PCDHA11: variants seen among roughly 807,000 people sequenced by gnomAD.
PCDHA11 encodes the protein protocadherin alpha-11.
In PCDHA11, 61 loss-of-function variants were observed where a neutral mutation model predicts 70.3. The observed-to-expected ratio is 0.87, with a 90% CI of 0.71 to 1.07. PCDHA11 has a LOEUF of 1.07. PCDHA11 is among the 50% of genes least tolerant of loss of function. The probability of loss-of-function intolerance (pLI) is 0.00; values close to 1 mark genes in which losing one functional copy is unlikely to be tolerated. For synonymous variants in PCDHA11, 633 were observed against 555.1 expected (o/e 1.14, Z -1.97); for missense variants, 1,324 against 1,237.5 (o/e 1.07, Z -1.05).
At chr5:140,971,487 C>T (rs1285006281) in intron 1 of PCDHA11, among the ~76,000 whole-genome samples, 1 of 152,110 alleles carries the variant, frequency 6.6e-6, no homozygotes, top group African/African-American at 2.4e-5. Flanking sequence ...CACATTGTTA[C>T]AGTGTGGCAA....
intron 1 of PCDHA11, chr5:140,930,027 T>A (rs1554207548): frequency 6.6e-6 from 1 of 152,190 alleles, no homozygotes; most frequent in Non-Finnish European, 1.5e-5. Context: ...CATAGCAGTG[T>A]TTTGTAACTG....
intron 1 of PCDHA11, among the ~76,000 whole-genome samples, chr5:140,881,806 C>G (rs545752672): frequency 1.3e-5 from 2 of 152,238 alleles, no homozygotes; most frequent in African/African-American, 4.8e-5. Context: ...AAACGAGTGT[C>G]GAATATTCTT....
chr5:140,880,790 T>C (rs2058480985), intron 1 of PCDHA11, among the ~76,000 whole-genome samples: 1 of 152,190 alleles, frequency 6.6e-6, no homozygotes, highest in African/African-American at 2.4e-5. Flanking sequence ...AGAGGAGTAA[T>C]ATAAATAGGT....
chr5:140,870,198 C>G lies in PCDHA11; in HGVS notation c.1095C>G (p.Ser365Arg). 6.2e-7 allele frequency: 1 copy of G among 1,614,172 alleles called. No homozygotes were observed. The highest frequency in any genetic ancestry group is 8.5e-7 in the Non-Finnish European group (1 of 1,180,038). ...CAGTACGAGAGGACGCTCAGCCCAGCACGGTCATTGCCCTGATCAGCGTGT... is the reference window on the plus strand; with the variant it reads ...CAGTACGAGAGGACGCTCAGCCCAGGACGGTCATTGCCCTGATCAGCGTGT... ...SLPVREDAQPSTVIALISVSD... is the reference protein window; with the variant it reads ...SLPVREDAQPRTVIALISVSD... Residue 365 changes from serine (S) to arginine (R), a missense_variant, in exon 1 of 4, where the codon AGC becomes AGG. Transcript: ENST00000398640.
At chr5:140,876,820 G>A in intron 1 of PCDHA11, 2 of 1,614,214 alleles carry the variant, frequency 1.2e-6, no homozygotes, top group Non-Finnish European at 1.7e-6. Context: ...CGACGTGAAC[G>A]ACAATGCGCC....
intron 1 of PCDHA11, among the ~76,000 whole-genome samples, chr5:140,889,132 G>C (rs1338926841): frequency 6.6e-6 from 1 of 151,438 alleles, no homozygotes; most frequent in Non-Finnish European, 1.5e-5. Context: ...ATATGTCCTA[G>C]TTTTTCTTCC....
chr5:140,892,763 C>G (rs1365366300), intron 1 of PCDHA11, among the ~76,000 whole-genome samples: 12 of 152,298 alleles, frequency 7.9e-5, no homozygotes, highest in Middle Eastern at 3.4e-3. Context: ...TTAAAATCCA[C>G]TCTTCTAGCT....
chr5:140,928,288 C>T (rs541893248), intron 1 of PCDHA11: 37 of 1,614,156 alleles, frequency 2.3e-5, no homozygotes, highest in East Asian at 4.5e-5. Flanking sequence ...CTCTCTAGGC[C>T]GAGTGTTTGC....
intron 3 of PCDHA11, among the ~76,000 whole-genome samples, chr5:140,994,795 G>A (rs2097650396): frequency 6.6e-6 from 1 of 152,184 alleles, no homozygotes; most frequent in Admixed American, 6.6e-5. Flanking sequence ...ATGCGTGCAT[G>A]CAAAAACAAA....
chr5:140,928,573 A>G (rs1353807568), intron 1 of PCDHA11: 2 of 1,614,110 alleles, frequency 1.2e-6, no homozygotes, highest in African/African-American at 1.3e-5. Context: ...TCCCTTGCCC[A>G]GAAATGGTTC....
At chr5:140,958,278 T>A (rs1445019557) in intron 1 of PCDHA11, among the ~76,000 whole-genome samples, 1 of 152,090 alleles carries the variant, frequency 6.6e-6, no homozygotes, top group Non-Finnish European at 1.5e-5. Flanking sequence ...GAAGTATATA[T>A]TTTAAATATT....
intron 1 of PCDHA11, chr5:140,882,249 T>C (rs1412428548): frequency 6.3e-7 from 1 of 1,595,264 alleles, no homozygotes; most frequent in Non-Finnish European, 8.5e-7. Flanking sequence ...CAGATAGCTC[T>C]GAGGTTTTTG....
At chr5:140,938,508 A>G (rs1563167946) in intron 1 of PCDHA11, among the ~76,000 whole-genome samples, 1 of 152,046 alleles carries the variant, frequency 6.6e-6, no homozygotes, top group African/African-American at 2.4e-5. Context: ...AATTTATCAC[A>G]TATTTTCTGT....
rs1554262627 is a variant in PCDHA11 at position 141,009,982 on chromosome 5, T to C, written c.*45T>C. On this transcript the variant is annotated 3_prime_UTR_variant, in exon 4 of 4. Transcript: ENST00000398640. ...GCCACTTAGCCAGTTTTTGTAATAA[T>C]GGCAAATCTCTCCCATGTAGCAATT... 1 of 1,582,572 alleles carries C rather than the reference T, an allele frequency of 6.3e-7. No homozygotes were observed. Among genetic ancestry groups the C allele is most frequent in the East Asian group, 2.2e-5 (1 of 44,666 alleles).
chr5:140,963,177 T>A (rs1002604435), intron 1 of PCDHA11, among the ~76,000 whole-genome samples: 1 of 152,194 alleles, frequency 6.6e-6, no homozygotes, highest in East Asian at 1.9e-4. Flanking sequence ...CTTACAGATA[T>A]GCTGTAGACT....
At chr5:140,896,309 A>T (rs1554186897) in intron 1 of PCDHA11, among the ~76,000 whole-genome samples, 1 of 152,184 alleles carries the variant, frequency 6.6e-6, no homozygotes. Flanking sequence ...AAATCTTCAA[A>T]CTGCTTTCCA....
At chr5:140,942,139 A>C (rs1211983428) in intron 1 of PCDHA11, among the ~76,000 whole-genome samples, 1 of 152,248 alleles carries the variant, frequency 6.6e-6, no homozygotes, top group Non-Finnish European at 1.5e-5. Context: ...TTGTGGCTTT[A>C]CTTGACATAA....
chr5:140,914,777 C>T (rs1476693090), intron 1 of PCDHA11, among the ~76,000 whole-genome samples: 1 of 151,924 alleles, frequency 6.6e-6, no homozygotes, highest in Non-Finnish European at 1.5e-5. Flanking sequence ...TATGACTTAT[C>T]TTATGACCCA....
chr5:140,935,734 C>G (rs1290620794), intron 1 of PCDHA11, among the ~76,000 whole-genome samples: 1 of 152,032 alleles, frequency 6.6e-6, no homozygotes, highest in East Asian at 1.9e-4. Flanking sequence ...AGTCTAGTAT[C>G]TATTATTCCA....
Sources: allele counts gnomAD v4.1 joint callset (sites outside exome capture counted in the v4.1 genomes callset), GRCh38; gene constraint gnomAD v4.1.1; transcripts MANE v1.5; gene names NCBI Gene and HGNC (gene_info 2026-07-23, HGNC 2026-07-21).